HSD17B7: variants seen among roughly 807,000 people sequenced by gnomAD.
HSD17B7 encodes the protein hydroxysteroid 17-beta dehydrogenase 7.
Under a neutral mutation model 34.1 loss-of-function variants are expected in HSD17B7, and 17 were observed. The observed-to-expected ratio is 0.50, with a 90% CI of 0.34 to 0.75. The LOEUF (loss-of-function observed/expected upper bound fraction) is 0.75, where lower values mean the gene tolerates loss of function less well. Among genes scored for constraint, HSD17B7 ranks in the 30% least tolerant of loss-of-function variants. The pLI, the probability that HSD17B7 is intolerant of heterozygous loss-of-function variation, is 0.01. For missense variants in HSD17B7, 296 were observed against 406.6 expected, an observed-to-expected ratio of 0.73 and a Z score of 2.34; for synonymous variants, 122 against 154.6, an observed-to-expected ratio of 0.79 and a Z score of 1.56.
rs1648841839 is a variant in HSD17B7 at position 162,802,381 on chromosome 1, G to C, written c.643-1050G>C. 1.3e-5 allele frequency among the ~76,000 whole-genome samples: 2 copies of C among 152,210 alleles called. 1 individual carries two copies. The highest frequency in any genetic ancestry group is 4.8e-5 in the African/African-American group (2 of 41,458). On this transcript the variant is annotated intron_variant, in intron 5 of 8. Transcript: ENST00000254521. Reference sequence around the variant, plus strand: ...TTTCCTTAGCTGTTTTAGGGGCAGAGCACATTGTTTTCTTAGGAAAAACTT... The same window carrying C: ...TTTCCTTAGCTGTTTTAGGGGCAGACCACATTGTTTTCTTAGGAAAAACTT...
At chr1:162,795,123 C>A (rs1648557858) in intron 2 of HSD17B7, among the ~76,000 whole-genome samples, 1 of 152,140 alleles carries the variant, frequency 6.6e-6, no homozygotes, top group South Asian at 2.1e-4. Context: ...ATGAAAGTGT[C>A]CAGATAGATT....
intron 5 of HSD17B7, among the ~76,000 whole-genome samples, chr1:162,801,749 C>T (rs1027019992): frequency 5.3e-5 from 8 of 151,972 alleles, no homozygotes; most frequent in African/African-American, 1.9e-4. Context: ...AGCATGTTGG[C>T]CCAATTGTGC....
chr1:162,805,603 G>A (rs1648957802), intron 8 of HSD17B7, 111 bp downstream of exon 8: 2 of 1,475,992 alleles, frequency 1.4e-6, no homozygotes, highest in African/African-American at 2.8e-5. Context: ...GGTACTCACT[G>A]TTCACCAGCA....
chr1:162,803,340 T>C, intron 5 of HSD17B7, 91 bp from the exon 6 acceptor site: 1 of 1,256,592 alleles, frequency 8.0e-7, no homozygotes, highest in Non-Finnish European at 1.1e-6. Flanking sequence ...TTCTGGCTCA[T>C]GTACATACCT....
intron 1 of HSD17B7, 108 bp downstream of exon 1, chr1:162,790,943 T>C: frequency 1.3e-6 from 1 of 770,280 alleles, no homozygotes; most frequent in Non-Finnish European, 2.3e-6. Flanking sequence ...CCCCTGGCTT[T>C]GCCTAGGTTC....
Position 162,797,913 on chromosome 1 carries a change from C to A in HSD17B7, c.444C>A (p.Ile148=), listed in dbSNP as rs1269120077. 6.8e-6 allele frequency: 11 copies of A among 1,613,714 alleles called. No homozygotes were observed. Among genetic ancestry groups the A allele is most frequent in the Non-Finnish European group, 9.3e-6 (11 of 1,179,756 alleles). Residue 148 remains isoleucine (I), a synonymous_variant, in exon 4 of 9, where the codon ATC becomes ATA. Transcript: ENST00000254521. ...AGACCAATGTCTTTGGCCATTTTAT[C>A]CTGGTAAAGAAGCTGTGGGCTTAAT... ...VFETNVFGHF[I]LIRELEPLLC...
At position 162,803,451 on chromosome 1, in the gene HSD17B7, C is replaced by T; in HGVS notation, c.663C>T (p.Ala221=). Residue 221 remains alanine (A), a synonymous_variant, in exon 6 of 9, where the codon GCC becomes GCT. Coordinates refer to ENST00000254521, the MANE Select transcript of HSD17B7 (RefSeq NM_016371.4). ...CCTAGGGTCTCTATTCCAATGTGGCCTGTCCAGGTACAGCATTGACCAATT... is the reference window on the plus strand; with the variant it reads ...CCTAGGGTCTCTATTCCAATGTGGCTTGTCCAGGTACAGCATTGACCAATT... The part of the protein sequence containing the change: ...FNQQGLYSNV[A]CPGTALTNLT... The T allele has an allele frequency of 2.5e-6, 4 of 1,612,824 alleles. No individual in the cohort carries two copies. Among genetic ancestry groups the T allele is most frequent in the Non-Finnish European group, 3.4e-6 (4 of 1,179,106 alleles).
At chr1:162,807,101 C>T (rs1458367639) in intron 8 of HSD17B7, among the ~76,000 whole-genome samples, 4 of 152,116 alleles carry the variant, frequency 2.6e-5, no homozygotes, top group Non-Finnish European at 2.9e-5. Flanking sequence ...TTAGGTATAT[C>T]TCCTAATGCT....
At chr1:162,806,929 A>C (rs1416962968) in intron 8 of HSD17B7, among the ~76,000 whole-genome samples, 1 of 152,186 alleles carries the variant, frequency 6.6e-6, no homozygotes, top group Non-Finnish European at 1.5e-5. Flanking sequence ...TCCATTATGG[A>C]AAAACTCTAA....
chr1:162,791,708 G>A (rs1311604157), intron 1 of HSD17B7, among the ~76,000 whole-genome samples: 1 of 150,364 alleles, frequency 6.7e-6, no homozygotes, highest in African/African-American at 2.5e-5. Context: ...AAGGTACTGA[G>A]TAAGTCAGAA....
rs2102231825 is a variant in HSD17B7, at chr1:162,797,739, G to A, written c.333-63G>A. The A allele has an allele frequency of 7.0e-6, 11 of 1,569,030 alleles. 1 individual carries two copies. In the South Asian group the frequency reaches 1.0e-4, roughly 15 times the overall value. On this transcript the variant is annotated intron_variant, in intron 3 of 8. Transcript: ENST00000254521. ...GGGTCGGGGGGATGGGTTGGAAAGT[G>A]TTTTCAGTATTTCCAGTTAAAGAAG... is the stretch of plus-strand genomic sequence containing the variant.
At chr1:162,790,864 G>A (rs764418569) in intron 1 of HSD17B7, 29 bp downstream of exon 1, 22 of 1,610,720 alleles carry the variant, frequency 1.4e-5, no homozygotes, top group Non-Finnish European at 1.8e-5. Flanking sequence ...TGGCAGAGGC[G>A]GCAGCGGATC....
intron 6 of HSD17B7, 47 bp downstream of exon 6, chr1:162,803,582 T>C (rs769993248): frequency 4.4e-6 from 7 of 1,592,444 alleles, no homozygotes; most frequent in South Asian, 1.1e-5. Context: ...AAATCTCTTT[T>C]TGGGACCTAG....
intron 6 of HSD17B7, 99 bp downstream of exon 6, chr1:162,803,634 C>A: frequency 2.9e-6 from 4 of 1,374,108 alleles, no homozygotes; most frequent in East Asian, 2.5e-5. Context: ...AGGAATTGAA[C>A]CTGAATGCCA....
intron 4 of HSD17B7, 125 bp downstream of exon 4, chr1:162,798,041 T>C: frequency 7.1e-7 from 1 of 1,400,962 alleles, no homozygotes. Flanking sequence ...TGAGTTTTCT[T>C]GATTGCATTT....
intron 6 of HSD17B7, 55 bp from the exon 7 acceptor site, chr1:162,804,211 CT>C: frequency 7.9e-7 from 1 of 1,267,066 alleles, no homozygotes; most frequent in Non-Finnish European, 1.1e-6. Flanking sequence ...ATGAATAATT[CT>C]TTCGTGACTC....
chr1:162,810,811 C>G (rs1485804784), intron 8 of HSD17B7, among the ~76,000 whole-genome samples: 2 of 152,144 alleles, frequency 1.3e-5, no homozygotes, highest in African/African-American at 2.4e-5. Flanking sequence ...GTAGATTTCC[C>G]TCCATCCCTT....
chr1:162,804,806 G>C (rs1011763140), intron 7 of HSD17B7, among the ~76,000 whole-genome samples: 1 of 152,182 alleles, frequency 6.6e-6, no homozygotes, highest in Non-Finnish European at 1.5e-5. Flanking sequence ...AATCACACGT[G>C]GCAAATGGGT....
chr1:162,804,061 GA>G (rs1259731373), intron 6 of HSD17B7, among the ~76,000 whole-genome samples: 1 of 152,222 alleles, frequency 6.6e-6, no homozygotes, highest in Non-Finnish European at 1.5e-5. Flanking sequence ...GTAAAGATCA[GA>G]AGTAAATAGG....
Sources: allele counts gnomAD v4.1 joint callset (sites outside exome capture counted in the v4.1 genomes callset), GRCh38; gene constraint gnomAD v4.1.1; transcripts MANE v1.5; gene names NCBI Gene and HGNC (gene_info 2026-07-23, HGNC 2026-07-21).